Variants in CNTN5 observed in about 807,000 individuals in gnomAD.
The protein encoded by CNTN5 is contactin 5.
A neutral mutation model predicts 129.1 loss-of-function variants in CNTN5; 77 were observed. The ratio of observed to expected loss-of-function variants is 0.60; its 90% CI spans 0.50 to 0.72. The LOEUF is 0.72. CNTN5 is among the 30% of genes least tolerant of loss of function. CNTN5 has a pLI of 0.00. For synonymous variants in CNTN5, 509 were observed against 465.6 expected, an observed-to-expected ratio of 1.09 and a Z score of -1.20; for missense variants, 1,478 against 1,328.8, an observed-to-expected ratio of 1.11 and a Z score of -1.75.
chr11:100,284,246 G>A (rs1950714005), intron 18 of CNTN5, among the ~76,000 whole-genome samples: 1 of 152,136 alleles, frequency 6.6e-6, no homozygotes, highest in South Asian at 2.1e-4. Context: ...CTGATTTTTG[G>A]TTCTTACAAA....
intron 3 of CNTN5, among the ~76,000 whole-genome samples, chr11:99,579,606 T>G (rs1949497564): frequency 7.0e-6 from 1 of 142,790 alleles, no homozygotes; most frequent in African/African-American, 2.6e-5. Flanking sequence ...TGAATGGGAG[T>G]TCACTCATGA....
chr11:99,197,881 G>A (rs1336233578), intron 1 of CNTN5, among the ~76,000 whole-genome samples: 1 of 152,084 alleles, frequency 6.6e-6, no homozygotes, highest in Non-Finnish European at 1.5e-5. Flanking sequence ...ATAAAACTGT[G>A]ACTGTTTTCA....
chr11:99,745,095 T>TA (rs1195838983), intron 3 of CNTN5, among the ~76,000 whole-genome samples: 2 of 152,278 alleles, frequency 1.3e-5, no homozygotes, highest in East Asian at 1.9e-4. Context: ...TTTCCTCCAT[T>TA]AAGCGTTTTT....
At chr11:100,291,783 AAAT>A in intron 18 of CNTN5, among the ~76,000 whole-genome samples, 1 of 51,004 alleles carries the variant, frequency 2.0e-5, no homozygotes, top group African/African-American at 4.6e-5. Context: ...ATAAATAAAT[AAAT>A]AAAAAATATA....
intron 3 of CNTN5, among the ~76,000 whole-genome samples, chr11:99,756,295 T>G (rs569378602): frequency 6.6e-6 from 1 of 152,230 alleles, no homozygotes; most frequent in Non-Finnish European, 1.5e-5. Flanking sequence ...GTTTCTTTAG[T>G]AAGATCTCTA....
chr11:99,565,767 TC>T (rs1948985689), intron 3 of CNTN5, among the ~76,000 whole-genome samples: 1 of 152,094 alleles, frequency 6.6e-6, no homozygotes, highest in Non-Finnish European at 1.5e-5. Context: ...TCCCATGATT[TC>T]CCCCCATGCA....
chr11:99,336,651 T>G (rs780704506), intron 2 of CNTN5, among the ~76,000 whole-genome samples: 1 of 151,842 alleles, frequency 6.6e-6, no homozygotes, highest in Admixed American at 6.6e-5. Flanking sequence ...ACCAGCCTGG[T>G]CATCATGGTG....
At chr11:99,713,379 G>A (rs544392704) in intron 3 of CNTN5, among the ~76,000 whole-genome samples, 11 of 152,118 alleles carry the variant, frequency 7.2e-5, no homozygotes, top group Non-Finnish European at 1.5e-4. Context: ...TTGCTTATCA[G>A]CTTAAGGAGA....
intron 1 of CNTN5, among the ~76,000 whole-genome samples, chr11:99,153,995 C>T (rs986800793): frequency 1.6e-4 from 24 of 152,008 alleles, no homozygotes; most frequent in African/African-American, 5.3e-4. Flanking sequence ...GTTTTCTGGC[C>T]CCTAGAGGTT....
chr11:99,397,646 A>G (rs1478063887), intron 2 of CNTN5, among the ~76,000 whole-genome samples: 1 of 151,746 alleles, frequency 6.6e-6, no homozygotes, highest in Non-Finnish European at 1.5e-5. Flanking sequence ...GCTCTTTCAG[A>G]TAAATTCTGT....
At chr11:99,552,736 A>G in intron 2 of CNTN5, among the ~76,000 whole-genome samples, 1 of 152,014 alleles carries the variant, frequency 6.6e-6, no homozygotes, top group African/African-American at 2.4e-5. Flanking sequence ...TTAGACAGGG[A>G]CCGGATTGCA....
At chr11:99,813,082 G>A (rs1179223497) in intron 3 of CNTN5, among the ~76,000 whole-genome samples, 3 of 151,972 alleles carry the variant, frequency 2.0e-5, no homozygotes, top group Admixed American at 6.6e-5. Context: ...TATCATTTGT[G>A]GTTTATTCAT....
At chr11:100,304,639 G>T (rs1951305795) in intron 20 of CNTN5, among the ~76,000 whole-genome samples, 1 of 151,520 alleles carries the variant, frequency 6.6e-6, no homozygotes, top group Non-Finnish European at 1.5e-5. Context: ...ATGTGGAGTG[G>T]CAAGGGGAAA....
chr11:99,469,650 A>C (rs1945095110), intron 2 of CNTN5, among the ~76,000 whole-genome samples: 1 of 152,156 alleles, frequency 6.6e-6, no homozygotes, highest in Non-Finnish European at 1.5e-5. Flanking sequence ...AATGAGGATA[A>C]ATAAATGGAA....
At chr11:99,357,854 G>C (rs143472938) in intron 2 of CNTN5, among the ~76,000 whole-genome samples, 1 of 150,784 alleles carries the variant, frequency 6.6e-6, no homozygotes, top group East Asian at 2.0e-4. Flanking sequence ...GACTCTACTA[G>C]TGTCTCCTTT....
chr11:99,885,843 A>G (rs766969681), intron 6 of CNTN5, among the ~76,000 whole-genome samples: 26 of 152,166 alleles, frequency 1.7e-4, no homozygotes, highest in Non-Finnish European at 3.5e-4. Context: ...TGAAATTGAA[A>G]ATGTTGCAAA....
chr11:99,746,626 G>T (rs1944064111), intron 3 of CNTN5, among the ~76,000 whole-genome samples: 1 of 152,140 alleles, frequency 6.6e-6, no homozygotes, highest in Non-Finnish European at 1.5e-5. Flanking sequence ...GAGGGATCTA[G>T]GTTGTGCACT....
chr11:99,609,298 C>A (rs1423060006), intron 3 of CNTN5, among the ~76,000 whole-genome samples: 2 of 152,056 alleles, frequency 1.3e-5, no homozygotes, highest in Non-Finnish European at 2.9e-5. Flanking sequence ...AAGTGGCAAG[C>A]AATTATTCTG....
At chr11:99,427,849 T>G (rs1287991291) in intron 2 of CNTN5, among the ~76,000 whole-genome samples, 1 of 151,754 alleles carries the variant, frequency 6.6e-6, no homozygotes, top group Non-Finnish European at 1.5e-5. Flanking sequence ...GAAATTTTGG[T>G]TTTTTAAACA....
Sources: gnomAD v4.1 joint callset for allele counts (sites outside exome capture counted in the v4.1 genomes callset) on GRCh38, gnomAD v4.1.1 for gene constraint, MANE v1.5 for transcripts, NCBI Gene and HGNC (gene_info 2026-07-23, HGNC 2026-07-21) for gene names.